PLXDC2: variants seen among roughly 807,000 people sequenced by gnomAD.
PLXDC2 encodes the protein plexin domain containing 2.
Under a neutral mutation model 68.9 loss-of-function variants are expected in PLXDC2, and 40 were observed. That is an observed-to-expected ratio of 0.58 (90% CI 0.45 to 0.76). The LOEUF (loss-of-function observed/expected upper bound fraction) is 0.76, where lower values mean the gene tolerates loss of function less well. Ranked by LOEUF, PLXDC2 falls within the 30% of genes least tolerant of loss-of-function variation. The pLI, the probability that PLXDC2 is intolerant of heterozygous loss-of-function variation, is 0.00. For missense variants in PLXDC2, 644 were observed against 661.9 expected, an observed-to-expected ratio of 0.97 and a Z score of 0.30; for synonymous variants, 243 against 234.2, an observed-to-expected ratio of 1.04 and a Z score of -0.34.
At chr10:20,212,432 G>A (rs547060348) in intron 10 of PLXDC2, among the ~76,000 whole-genome samples, 5 of 152,134 alleles carry the variant, frequency 3.3e-5, no homozygotes, top group South Asian at 2.1e-4. Flanking sequence ...ATTTTAACCC[G>A]TTTAAAAGCT....
chr10:19,869,647 T>G (rs1190951447), intron 1 of PLXDC2, among the ~76,000 whole-genome samples: 2 of 152,112 alleles, frequency 1.3e-5, no homozygotes, highest in African/African-American at 2.4e-5. Flanking sequence ...AATGTTACAT[T>G]TAAACATTTA....
chr10:19,927,063 T>C lies in PLXDC2; in HGVS notation c.113-74712T>C, dbSNP rs1046986248. Among the ~76,000 whole-genome samples, 11 of 152,336 alleles carry C rather than the reference T, an allele frequency of 7.2e-5. No homozygotes were observed. The South Asian group carries it at 1.5e-3, about 20-fold the overall frequency. ...GCTCTCTGATTTACTATGGTGTCGT[T>C]GTTGCTGACAAAATTGACTTATTCA... On this transcript the variant is annotated intron_variant, in intron 1 of 13. Transcript: ENST00000377252.
intron 1 of PLXDC2, among the ~76,000 whole-genome samples, chr10:19,836,924 C>T (rs371286736): frequency 6.6e-6 from 1 of 152,260 alleles, no homozygotes; most frequent in East Asian, 1.9e-4. Flanking sequence ...ATTAGGTACT[C>T]AGTAAGCATT....
chr10:20,159,156 T>C (rs11011834), intron 6 of PLXDC2, among the ~76,000 whole-genome samples: 6,593 of 152,210 alleles, frequency 0.043, 474 homozygotes, highest in African/African-American at 0.15. Context: ...CCTCTCCTGG[T>C]CTTTGAATGT....
chr10:19,827,052 G>A lies in PLXDC2; in HGVS notation c.112+9861G>A, dbSNP rs944405166. 2.0e-5 allele frequency among the ~76,000 whole-genome samples: 3 copies of A among 152,194 alleles called. No individual in the cohort carries two copies. In the East Asian group the frequency reaches 5.8e-4, roughly 29 times the overall value. On this transcript the variant is annotated intron_variant, in intron 1 of 13. Transcript: ENST00000377252. Reference sequence around the variant, plus strand: ...ATAATTAGTGCTCTTGTGAATGTGAGGGTAGGAACATCCTTGCAAACGTCT... The same window carrying A: ...ATAATTAGTGCTCTTGTGAATGTGAAGGTAGGAACATCCTTGCAAACGTCT...
In PLXDC2 at chr10:20,096,036, A is replaced by T. The variant is rs184493311; in HGVS notation, c.541+27797A>T. ...TTTTCCCAAATTAATTTGGCCATAG[A>T]ACTCCTTCTTTCTTCTTCTTCTTCT... On this transcript the variant is annotated intron_variant, in intron 4 of 13. Coordinates refer to ENST00000377252, the MANE Select transcript of PLXDC2 (RefSeq NM_032812.9). Among the ~76,000 whole-genome samples, 382 of 152,256 alleles carry T rather than the reference A, an allele frequency of 2.5e-3. 3 individuals are homozygous for T. The highest frequency in any genetic ancestry group is 3.8e-3 in the Non-Finnish European group (260 of 68,034).
intron 2 of PLXDC2, among the ~76,000 whole-genome samples, chr10:20,044,293 CTTCTT>C (rs1386796463): frequency 1.5e-5 from 1 of 67,118 alleles, no homozygotes; most frequent in African/African-American, 5.6e-5. Context: ...TTCTTTCTTT[CTTCTT>C]TCTCTCTCTC....
intron 13 of PLXDC2, among the ~76,000 whole-genome samples, chr10:20,264,965 C>T (rs1358250985): frequency 2.6e-5 from 4 of 151,724 alleles, no homozygotes; most frequent in African/African-American, 4.8e-5. Context: ...CTAGTAAGGT[C>T]GCTGGATGAT....
intron 12 of PLXDC2, among the ~76,000 whole-genome samples, chr10:20,224,455 A>G (rs538036554): frequency 5.3e-5 from 8 of 152,338 alleles, no homozygotes; most frequent in African/African-American, 1.9e-4. Context: ...AGCAGGTACA[A>G]CTATTAAATG....
chr10:20,227,540 G>C (rs1261530754), intron 12 of PLXDC2, among the ~76,000 whole-genome samples: 1 of 152,104 alleles, frequency 6.6e-6, no homozygotes, highest in Admixed American at 6.5e-5. Flanking sequence ...TTTTCCTGGG[G>C]TAAAGTTATA....
At chr10:20,039,199 T>C (rs575338855) in intron 2 of PLXDC2, among the ~76,000 whole-genome samples, 1 of 152,280 alleles carries the variant, frequency 6.6e-6, no homozygotes, top group African/African-American at 2.4e-5. Flanking sequence ...TAGCTGTGTG[T>C]CCAGTTTACT....
intron 4 of PLXDC2, among the ~76,000 whole-genome samples, chr10:20,129,796 T>C (rs1301933184): frequency 6.6e-6 from 1 of 152,082 alleles, no homozygotes. Flanking sequence ...GTTCTTGTCA[T>C]AGTTGTTGAA....
intron 4 of PLXDC2, among the ~76,000 whole-genome samples, chr10:20,141,195 T>C (rs111603045): frequency 0.026 from 3,921 of 152,204 alleles, 68 homozygotes; most frequent in South Asian, 0.07. Context: ...AGTTAATGGT[T>C]TCTGTGATTT....
At chr10:19,912,830 T>G (rs1833298688) in intron 1 of PLXDC2, among the ~76,000 whole-genome samples, 1 of 152,216 alleles carries the variant, frequency 6.6e-6, no homozygotes, top group Admixed American at 6.5e-5. Flanking sequence ...TGGATTTTTC[T>G]TCTGATTATC....
At chr10:19,823,319 G>A (rs768535999) in intron 1 of PLXDC2, among the ~76,000 whole-genome samples, 22 of 152,008 alleles carry the variant, frequency 1.4e-4, no homozygotes, top group Non-Finnish European at 2.9e-4. Flanking sequence ...TTGGTTCTTT[G>A]TGGGATTCTT....
intron 7 of PLXDC2, among the ~76,000 whole-genome samples, chr10:20,167,660 C>G (rs1834392748): frequency 6.6e-6 from 1 of 152,020 alleles, no homozygotes; most frequent in Non-Finnish European, 1.5e-5. Context: ...ACATAGAACC[C>G]TGTTCTCATA....
intron 9 of PLXDC2, among the ~76,000 whole-genome samples, chr10:20,197,246 A>G (rs1834852065): frequency 6.6e-6 from 1 of 152,238 alleles, no homozygotes; most frequent in South Asian, 2.1e-4. Context: ...TCATGTATAC[A>G]TAATCAGAAA....
At chr10:20,118,103 C>A (rs1833645918) in intron 4 of PLXDC2, among the ~76,000 whole-genome samples, 1 of 99,330 alleles carries the variant, frequency 1.0e-5, no homozygotes, top group Non-Finnish European at 2.5e-5. Context: ...TCCATATATG[C>A]CTACACACAC....
chr10:20,265,209 T>C (rs1835855025), intron 13 of PLXDC2, among the ~76,000 whole-genome samples: 1 of 152,206 alleles, frequency 6.6e-6, no homozygotes, highest in Admixed American at 6.5e-5. Flanking sequence ...ACTCTGCCAA[T>C]GTTCTTTCCA....
Sources: allele counts gnomAD v4.1 joint callset (sites outside exome capture counted in the v4.1 genomes callset), GRCh38; gene constraint gnomAD v4.1.1; transcripts MANE v1.5; gene names NCBI Gene and HGNC (gene_info 2026-07-23, HGNC 2026-07-21).